The following TNS3 variants were observed in gnomAD, a reference collection of about 807,000 sequenced individuals.
TNS3 encodes the protein tensin 3.
A neutral mutation model predicts 140.9 loss-of-function variants in TNS3; 45 were observed. The ratio of observed to expected loss-of-function variants is 0.32; its 90% CI spans 0.25 to 0.41. TNS3 has a LOEUF of 0.41. Ranked by LOEUF, TNS3 falls within the 10% of genes least tolerant of loss-of-function variation. The pLI is 1.00. For synonymous variants in TNS3, 815 were observed against 788.4 expected, an observed-to-expected ratio of 1.03 and a Z score of -0.56; for missense variants, 1,716 against 1,906.7, an observed-to-expected ratio of 0.90 and a Z score of 1.86.
chr7:47,381,495 C>G (rs1791757207), intron 16 of TNS3, among the ~76,000 whole-genome samples: 1 of 152,206 alleles, frequency 6.6e-6, no homozygotes, highest in Non-Finnish European at 1.5e-5. Context: ...CACTTTTACT[C>G]TTTAAATGAA....
intron 1 of TNS3, among the ~76,000 whole-genome samples, chr7:47,571,898 G>T (rs1329044918): frequency 6.6e-6 from 1 of 152,184 alleles, no homozygotes; most frequent in Non-Finnish European, 1.5e-5. Flanking sequence ...ACTATGCTTT[G>T]GAAGAACTAA....
chr7:47,383,921 G>T (rs185624130), intron 16 of TNS3, among the ~76,000 whole-genome samples: 1 of 152,154 alleles, frequency 6.6e-6, no homozygotes, highest in African/African-American at 2.4e-5. Flanking sequence ...TGGACTGCAG[G>T]TCAGAAAGTG....
chr7:47,278,999 C>T (rs775023475), intron 30 of TNS3: 1 of 152,166 alleles, frequency 6.6e-6, no homozygotes, highest in Non-Finnish European at 1.5e-5. Flanking sequence ...CTCAGGTAAC[C>T]CCAATACAGT....
At chr7:47,554,831 C>T (rs1024891351) in intron 1 of TNS3, among the ~76,000 whole-genome samples, 5 of 151,538 alleles carry the variant, frequency 3.3e-5, no homozygotes, top group Admixed American at 3.3e-4. Context: ...GAGATGGAGA[C>T]CATCCTGGCC....
At chr7:47,446,688 CTTTTTTTTTTTTTTTTT>C (rs144042398) in intron 4 of TNS3, among the ~76,000 whole-genome samples, 1 of 96,678 alleles carries the variant, frequency 1.0e-5, no homozygotes, top group Admixed American at 1.2e-4. Context: ...TCCAGGCTGC[CTTTTTTTTTTTTTTTTT>C]TTTTTTTTGA....
intron 20 of TNS3, among the ~76,000 whole-genome samples, chr7:47,334,269 C>A (rs905862475): frequency 2.0e-5 from 3 of 152,156 alleles, no homozygotes; most frequent in Admixed American, 6.5e-5. Flanking sequence ...GGAAGCCAGG[C>A]CCCTAAAATG....
chr7:47,502,906 G>A (rs114600967), intron 3 of TNS3, among the ~76,000 whole-genome samples: 3,378 of 152,316 alleles, frequency 0.022, 128 homozygotes, highest in African/African-American at 0.076. Context: ...GGCACATGCA[G>A]AGAGAGAAAC....
At chr7:47,353,273 A>G (rs1043437507) in intron 17 of TNS3, among the ~76,000 whole-genome samples, 2 of 152,162 alleles carry the variant, frequency 1.3e-5, no homozygotes, top group African/African-American at 2.4e-5. Flanking sequence ...CTTCTTTGCT[A>G]AGTCGGTGAG....
At chr7:47,286,570 A>T (rs1785431371) in intron 27 of TNS3, among the ~76,000 whole-genome samples, 1 of 152,096 alleles carries the variant, frequency 6.6e-6, no homozygotes, top group African/African-American at 2.4e-5. Flanking sequence ...CACCCACCAG[A>T]CCCATGGCAT....
chr7:47,432,102 C>T (rs1378131512), intron 8 of TNS3, among the ~76,000 whole-genome samples: 1 of 152,128 alleles, frequency 6.6e-6, no homozygotes, highest in Non-Finnish European at 1.5e-5. Flanking sequence ...AAAGAGAAAA[C>T]TTCGCTATGG....
chr7:47,316,390 C>A (rs1787412158), intron 20 of TNS3, among the ~76,000 whole-genome samples: 1 of 152,056 alleles, frequency 6.6e-6, no homozygotes, highest in South Asian at 2.1e-4. Context: ...ACCCCTGGGG[C>A]CTTCAGGATC....
chr7:47,536,428 C>G (rs947652443), intron 1 of TNS3, among the ~76,000 whole-genome samples: 1 of 152,100 alleles, frequency 6.6e-6, no homozygotes, highest in Non-Finnish European at 1.5e-5. Flanking sequence ...TCCTGTGGAC[C>G]ACAGAGCACC....
At chr7:47,498,138 G>C (rs1315346015) in intron 3 of TNS3, among the ~76,000 whole-genome samples, 1 of 152,214 alleles carries the variant, frequency 6.6e-6, no homozygotes, top group East Asian at 1.9e-4. Context: ...TCTCAGGTTA[G>C]AACTGGTCAA....
At chr7:47,501,928 G>A (rs1204116869) in intron 3 of TNS3, among the ~76,000 whole-genome samples, 4 of 152,124 alleles carry the variant, frequency 2.6e-5, no homozygotes, top group African/African-American at 7.2e-5. Flanking sequence ...CAAGCCAAGC[G>A]GGAGAGACGC....
intron 1 of TNS3, among the ~76,000 whole-genome samples, chr7:47,576,407 C>T (rs181642224): frequency 6.6e-6 from 1 of 152,350 alleles, no homozygotes; most frequent in East Asian, 1.9e-4. Flanking sequence ...GTCACAATAA[C>T]CCCAGGACCT....
At chr7:47,304,511 T>C (rs973745895) in intron 21 of TNS3, among the ~76,000 whole-genome samples, 8 of 152,146 alleles carry the variant, frequency 5.3e-5, no homozygotes, top group Admixed American at 1.3e-4. Context: ...GAAGCAGAAA[T>C]AGGCCATTTT....
chr7:47,345,612 CCG>C lies in TNS3; in HGVS notation c.2451+573_2451+574del, dbSNP rs1475675425. Among the ~76,000 whole-genome samples the C allele has an allele frequency of 3.0e-3, 463 of 152,260 alleles. 2 individuals carry two copies. The highest frequency in any genetic ancestry group is 0.011 in the African/African-American group (437 of 41,550). ...AAAATAATTAATCGTTTTGGATACA[CCG>C]ACCTGCTTTACATCCATTCTGACTA... On this transcript the variant is annotated intron_variant, in intron 18 of 30. Coordinates refer to ENST00000311160, the MANE Select transcript of TNS3 (RefSeq NM_022748.12).
At chr7:47,299,659 C>A (rs181821799) in intron 23 of TNS3, among the ~76,000 whole-genome samples, 1 of 152,196 alleles carries the variant, frequency 6.6e-6, no homozygotes, top group African/African-American at 2.4e-5. Flanking sequence ...AGGAGGGAAG[C>A]CCCAGCTGCC....
At chr7:47,443,773 T>A (rs1383342179) in intron 4 of TNS3, among the ~76,000 whole-genome samples, 2 of 151,938 alleles carry the variant, frequency 1.3e-5, no homozygotes, top group Admixed American at 6.6e-5. Context: ...AATACAAAAA[T>A]TAGCCTGCGT....
Sources: allele counts gnomAD v4.1 joint callset (sites outside exome capture counted in the v4.1 genomes callset), GRCh38; gene constraint gnomAD v4.1.1; transcripts MANE v1.5; gene names NCBI Gene and HGNC (gene_info 2026-07-23, HGNC 2026-07-21).